The following GPC6 variants were observed in gnomAD, a reference collection of about 807,000 sequenced individuals.
GPC6 encodes the protein glypican-6.
GPC6 carries 14 observed loss-of-function variants against 55.2 expected under a neutral mutation model. The observed-to-expected ratio is 0.25, with a 90% CI of 0.17 to 0.40. The LOEUF (loss-of-function observed/expected upper bound fraction) is 0.40, where lower values mean the gene tolerates loss of function less well. GPC6 is among the 10% of genes least tolerant of loss of function. GPC6 has a pLI of 1.00. For missense variants in GPC6, 641 were observed against 708.5 expected (o/e 0.90, Z 1.08); for synonymous variants, 278 against 259.6 (o/e 1.07, Z -0.68).
chr13:93,287,423 G>A (rs1473757155), intron 1 of GPC6, among the ~76,000 whole-genome samples: 5 of 152,150 alleles, frequency 3.3e-5, no homozygotes, highest in East Asian at 1.9e-4. Flanking sequence ...AGGCCTCCCC[G>A]CCTGGTGTCT....
At chr13:94,350,799 C>T (rs1433795967) in intron 6 of GPC6, among the ~76,000 whole-genome samples, 1 of 152,142 alleles carries the variant, frequency 6.6e-6, no homozygotes, top group African/African-American at 2.4e-5. Context: ...ACACAGATGG[C>T]ATTAGGGCAT....
At chr13:93,721,994 C>T (rs1883471185) in intron 2 of GPC6, among the ~76,000 whole-genome samples, 1 of 151,778 alleles carries the variant, frequency 6.6e-6, no homozygotes, top group Non-Finnish European at 1.5e-5. Context: ...AGATAATCCT[C>T]TAAGCCTTAC....
intron 3 of GPC6, among the ~76,000 whole-genome samples, chr13:93,951,644 C>T (rs536724721): frequency 2.8e-4 from 43 of 152,170 alleles, no homozygotes; most frequent in Non-Finnish European, 5.4e-4. Flanking sequence ...TTACCCAACC[C>T]CTCTCAGCCT....
intron 4 of GPC6, among the ~76,000 whole-genome samples, chr13:94,254,588 C>T (rs1357793166): frequency 6.6e-6 from 1 of 151,842 alleles, no homozygotes; most frequent in Non-Finnish European, 1.5e-5. Flanking sequence ...TGATTGATGT[C>T]ATTGATCACT....
chr13:93,485,470 T>C (rs1336505260), intron 1 of GPC6, among the ~76,000 whole-genome samples: 1 of 152,194 alleles, frequency 6.6e-6, no homozygotes, highest in Admixed American at 6.5e-5. Context: ...TACATGACCA[T>C]TCATCTCAGA....
At chr13:93,337,329 A>G (rs1880081597) in intron 1 of GPC6, among the ~76,000 whole-genome samples, 1 of 152,208 alleles carries the variant, frequency 6.6e-6, no homozygotes, top group East Asian at 1.9e-4. Context: ...TCAAGGTTTT[A>G]TACAACTTGA....
intron 2 of GPC6, among the ~76,000 whole-genome samples, chr13:93,557,165 G>A (rs181204331): frequency 5.3e-5 from 8 of 152,138 alleles, no homozygotes; most frequent in African/African-American, 1.9e-4. Context: ...CTTAATTCCT[G>A]TGTTAAATAG....
At chr13:93,942,014 C>A (rs1006681394) in intron 3 of GPC6, among the ~76,000 whole-genome samples, 4 of 152,072 alleles carry the variant, frequency 2.6e-5, no homozygotes, top group African/African-American at 7.2e-5. Context: ...TTGGTCCAGC[C>A]TTATGTAGGG....
intron 3 of GPC6, among the ~76,000 whole-genome samples, chr13:93,843,416 G>C (rs1175744641): frequency 1.3e-5 from 2 of 152,040 alleles, no homozygotes; most frequent in African/African-American, 4.8e-5. Context: ...ATTCAAAAGG[G>C]AAAAGAAAGG....
At chr13:94,086,881 G>A (rs959807375) in intron 4 of GPC6, among the ~76,000 whole-genome samples, 6 of 152,044 alleles carry the variant, frequency 3.9e-5, no homozygotes, top group Non-Finnish European at 5.9e-5. Flanking sequence ...TAAATAAAAC[G>A]ACATGTGTCT....
At chr13:94,283,621 G>C (rs1482407523) in intron 4 of GPC6, among the ~76,000 whole-genome samples, 1 of 152,238 alleles carries the variant, frequency 6.6e-6, no homozygotes, top group Non-Finnish European at 1.5e-5. Context: ...ACCTCATGCA[G>C]AGGTATCAGT....
At chr13:94,319,005 G>T (rs969094871) in intron 6 of GPC6, among the ~76,000 whole-genome samples, 1 of 151,958 alleles carries the variant, frequency 6.6e-6, no homozygotes, top group African/African-American at 2.4e-5. Context: ...CACATAGCTA[G>T]ATTTATTTTA....
intron 2 of GPC6, among the ~76,000 whole-genome samples, chr13:93,805,065 A>C (rs966537527): frequency 6.6e-6 from 1 of 152,212 alleles, no homozygotes; most frequent in Non-Finnish European, 1.5e-5. Context: ...TTAACAAAAA[A>C]TTATAGCCAC....
intron 2 of GPC6, among the ~76,000 whole-genome samples, chr13:93,710,187 A>G (rs73545539): frequency 0.041 from 6,158 of 151,890 alleles, 422 homozygotes; most frequent in African/African-American, 0.14. Flanking sequence ...AATTGAAGTA[A>G]TTAAAAATTG....
chr13:93,403,129 T>A (rs939359259), intron 1 of GPC6, among the ~76,000 whole-genome samples: 1 of 152,186 alleles, frequency 6.6e-6, no homozygotes, highest in East Asian at 1.9e-4. Flanking sequence ...AGATCAGATA[T>A]ACATAGAATA....
intron 3 of GPC6, among the ~76,000 whole-genome samples, chr13:93,980,151 G>A (rs1165882063): frequency 6.6e-6 from 1 of 152,090 alleles, no homozygotes; most frequent in African/African-American, 2.4e-5. Flanking sequence ...CATACAGTCA[G>A]CTTGTGCCTG....
chr13:93,324,948 C>T (rs1358030965), intron 1 of GPC6, among the ~76,000 whole-genome samples: 2 of 151,998 alleles, frequency 1.3e-5, no homozygotes, highest in Non-Finnish European at 2.9e-5. Context: ...CTTTTTAAGA[C>T]TCAACTGGAG....
intron 1 of GPC6, among the ~76,000 whole-genome samples, chr13:93,513,334 G>A (rs1257086471): frequency 6.6e-6 from 1 of 152,082 alleles, no homozygotes; most frequent in Non-Finnish European, 1.5e-5. Context: ...TTGACCTTTT[G>A]TTTTCTTTTC....
intron 4 of GPC6, among the ~76,000 whole-genome samples, chr13:94,053,989 G>A (rs148043360): frequency 4.1e-4 from 63 of 152,098 alleles, no homozygotes; most frequent in African/African-American, 1.5e-3. Flanking sequence ...GGCATGTATT[G>A]GTGGAAAAGG....
Sources: allele counts gnomAD v4.1 joint callset (sites outside exome capture counted in the v4.1 genomes callset), GRCh38; gene constraint gnomAD v4.1.1; transcripts MANE v1.5; gene names NCBI Gene and HGNC (gene_info 2026-07-23, HGNC 2026-07-21).